Variants in TBC1D8B observed in about 807,000 individuals in gnomAD.
The protein encoded by TBC1D8B is RP11-321G1.1.
TBC1D8B carries 75 observed loss-of-function variants against 82.9 expected under a neutral mutation model. The observed-to-expected ratio is 0.90, with a 90% CI of 0.75 to 1.10. The LOEUF (loss-of-function observed/expected upper bound fraction) is 1.10. Among genes scored for constraint, TBC1D8B ranks in the 50% least tolerant of loss-of-function variants. The probability of loss-of-function intolerance (pLI) is 0.00; values close to 1 mark genes in which losing one functional copy is unlikely to be tolerated. For synonymous variants in TBC1D8B, 276 were observed against 276.8 expected (o/e 1.00, Z 0.03); for missense variants, 794 against 796.9 (o/e 1.00, Z 0.04).
chrX:106,849,220 A>ATT lies in TBC1D8B; in HGVS notation c.1838-784_1838-783dup, dbSNP rs761948032. 488 of 877,883 alleles carry ATT rather than the reference A, an allele frequency of 5.6e-4. 2 individuals are homozygous for ATT. The highest frequency in any genetic ancestry group is 1.3e-3 in the Middle Eastern group (3 of 2,245). The allele number at this position is 877,883 out of a possible 1,213,427, so 72.3% of individuals were successfully genotyped here. A position where few individuals can be genotyped will look rare whatever the true frequency, so the allele number is the denominator to read the frequency against. On this transcript the variant is annotated intron_variant, in intron 11 of 20. Coordinates refer to ENST00000357242, the MANE Select transcript of TBC1D8B (RefSeq NM_017752.3). ...TGTCTTTCATTATAATTATTTGTGT[A>ATT]TTTTTTTTTTTTTTTTTTTTTTAGG... is the stretch of plus-strand genomic sequence containing the variant.
At chrX:106,871,901 G>A (rs1932850370) in intron 20 of TBC1D8B, among the ~76,000 whole-genome samples, 1 of 111,640 alleles carries the variant, frequency 9.0e-6, no homozygotes, top group Admixed American at 9.5e-5. Context: ...GTCTGGAAGG[G>A]TCCCAAGCGC....
chrX:106,837,743 A>G lies in TBC1D8B; in HGVS notation c.1204-1565A>G, dbSNP rs140179549. Among the ~76,000 whole-genome samples, 14 of 111,822 alleles carry G rather than the reference A, an allele frequency of 1.3e-4. 1 individual carries two copies. In the East Asian group the frequency reaches 3.9e-3, roughly 31 times the overall value. Reference sequence around the variant, plus strand: ...TTTCTGTGCCTGACTTATTTCACTTAACATAATGTTCTCCATGTTCATCCA... The same window carrying G: ...TTTCTGTGCCTGACTTATTTCACTTGACATAATGTTCTCCATGTTCATCCA... On this transcript the variant is annotated intron_variant, in intron 7 of 20. Transcript: ENST00000357242.
At chrX:106,813,450 TC>T (rs1285095750) in intron 1 of TBC1D8B, among the ~76,000 whole-genome samples, 3 of 111,892 alleles carry the variant, frequency 2.7e-5, no homozygotes, top group Non-Finnish European at 3.8e-5. Context: ...CAATTTTCTT[TC>T]TACATAGTAC....
chrX:106,825,768 G>A (rs1189447696), intron 5 of TBC1D8B, among the ~76,000 whole-genome samples: 1 of 111,094 alleles, frequency 9.0e-6, no homozygotes, highest in Admixed American at 9.7e-5. Context: ...CTTAGAGATA[G>A]TTTGAAGACC....
chrX:106,832,814 C>T (rs1011244147), intron 7 of TBC1D8B, among the ~76,000 whole-genome samples: 1 of 111,299 alleles, frequency 9.0e-6, no homozygotes, highest in Admixed American at 9.6e-5. Flanking sequence ...GGGTTTCCTA[C>T]ATGATAATGT....
At chrX:106,839,978 G>A (rs988497095) in intron 8 of TBC1D8B, 70 bp from the exon 9 acceptor site, 291 of 1,061,441 alleles carry the variant, frequency 2.7e-4, no homozygotes, top group Non-Finnish European at 3.4e-4. Context: ...GGTAAAGAGA[G>A]TGGGAAAGTT....
chrX:106,833,197 C>A (rs952127185), intron 7 of TBC1D8B, among the ~76,000 whole-genome samples: 3 of 111,390 alleles, frequency 2.7e-5, no homozygotes, highest in Non-Finnish European at 5.7e-5. Context: ...AAATGTTAAT[C>A]TTTGCTTTGT....
At chrX:106,854,161 T>C (rs755372159) in intron 13 of TBC1D8B, 37 bp from the exon 14 acceptor site, 1 of 958,879 alleles carries the variant, frequency 1.0e-6, no homozygotes, top group Non-Finnish European at 1.4e-6. Context: ...GGATGTTTAT[T>C]ATGAGTGAGT....
intron 10 of TBC1D8B, among the ~76,000 whole-genome samples, chrX:106,841,310 A>C (rs1937302): frequency 0.16 from 17,429 of 111,373 alleles, 1,381 homozygotes; most frequent in Middle Eastern, 0.35. Flanking sequence ...GAGTCAGAGA[A>C]GGCTTCGTGG....
chrX:106,815,407 T>G (rs1931513217), intron 1 of TBC1D8B: 1 of 111,127 alleles, frequency 9.0e-6, no homozygotes, highest in Admixed American at 9.5e-5. Flanking sequence ...TTGATCTATA[T>G]CTCTGTTTTG....
Position 106,807,963 on chromosome X carries a change from G to A in TBC1D8B, c.130+4980G>A, listed in dbSNP as rs574870524. ...AGCTACTGATGAGGCTAAGGCAGGA[G>A]AATCACTTGAACCCAGGAAGTGGAG... On this transcript the variant is annotated intron_variant, in intron 1 of 20. Coordinates refer to ENST00000357242, the MANE Select transcript of TBC1D8B (RefSeq NM_017752.3). Among the ~76,000 whole-genome samples the A allele has an allele frequency of 3.6e-5, 4 of 110,346 alleles. No individual in the cohort carries two copies. In the South Asian group the frequency reaches 1.6e-3, roughly 44 times the overall value.
intron 2 of TBC1D8B, 123 bp downstream of exon 2, chrX:106,818,896 C>T: frequency 2.1e-6 from 1 of 475,100 alleles, no homozygotes; most frequent in Non-Finnish European, 3.3e-6. Flanking sequence ...TGCAACTTTA[C>T]TTTGAGAGAA....
chrX:106,839,258 T>A, intron 7 of TBC1D8B, 50 bp from the exon 8 acceptor site: 1 of 1,076,037 alleles, frequency 9.3e-7, no homozygotes. Context: ...TTTTTTTTCT[T>A]GTAGAAACGT....
intron 5 of TBC1D8B, among the ~76,000 whole-genome samples, chrX:106,825,738 A>T (rs1457824413): frequency 9.0e-6 from 1 of 111,260 alleles, no homozygotes; most frequent in African/African-American, 3.3e-5. Flanking sequence ...ATAATATAAT[A>T]GTCTTCTAGG....
intron 18 of TBC1D8B, 96 bp from the exon 19 acceptor site, chrX:106,869,389 A>C: frequency 4.2e-6 from 3 of 709,490 alleles, no homozygotes; most frequent in Non-Finnish European, 6.2e-6. Flanking sequence ...GAATTGAATA[A>C]AATAATGTGC....
chrX:106,876,120 A>G lies in TBC1D8B; in HGVS notation c.*2155A>G, dbSNP rs1311138038. ...ATAAGGTGGCTTTACTTGTCTTTAT[A>G]AAAATAAATATATCTACTAAACATG... On this transcript the variant is annotated 3_prime_UTR_variant, in exon 21 of 21. Transcript: ENST00000357242. 9.0e-6 allele frequency: 1 copy of G among 111,662 alleles called. No individual in the cohort carries two copies. The highest frequency in any genetic ancestry group is 1.9e-5 in the Non-Finnish European group (1 of 53,060). The allele number at this position is 111,662 out of a possible 1,213,427, so 9.2% of individuals were successfully genotyped here. A position where few individuals can be genotyped will look rare whatever the true frequency, so the allele number is the denominator to read the frequency against.
At chrX:106,826,565 TC>T (rs372086831) in intron 6 of TBC1D8B, among the ~76,000 whole-genome samples, 5 of 58,443 alleles carry the variant, frequency 8.6e-5, no homozygotes, top group African/African-American at 1.3e-4. Flanking sequence ...ATGCTATCCC[TC>T]CCCCCTCCCC....
At position 106,853,653 on chromosome X, in the gene TBC1D8B, A is replaced by G. The variant is rs999293791; in HGVS notation, c.2253+3A>G. 6.7e-6 allele frequency: 8 copies of G among 1,202,092 alleles called. No individual in the cohort carries two copies. Among genetic ancestry groups the G allele is most frequent in the Non-Finnish European group, 7.9e-6 (7 of 887,705 alleles). On this transcript the variant is annotated splice_donor_region_variant and intron_variant, in intron 13 of 20. Coordinates refer to ENST00000357242, the MANE Select transcript of TBC1D8B (RefSeq NM_017752.3). ...ATTTGATTAGAGAATCAAATGAGGTAAGTTTTTTCATGCCATAAATATATT... is the reference window on the plus strand; with the variant it reads ...ATTTGATTAGAGAATCAAATGAGGTGAGTTTTTTCATGCCATAAATATATT...
intron 7 of TBC1D8B, among the ~76,000 whole-genome samples, chrX:106,830,727 T>C (rs1394227997): frequency 4.2e-5 from 4 of 95,277 alleles, no homozygotes; most frequent in Admixed American, 1.3e-4. Context: ...TTCTCACTCA[T>C]AGGTGGGAAT....
Sources: gnomAD v4.1 joint callset for allele counts (sites outside exome capture counted in the v4.1 genomes callset) on GRCh38, gnomAD v4.1.1 for gene constraint, MANE v1.5 for transcripts, NCBI Gene and HGNC (gene_info 2026-07-23, HGNC 2026-07-21) for gene names.